NCR1: variants seen among roughly 807,000 people sequenced by gnomAD.
The protein encoded by NCR1 is NK cell-activating receptor.
In NCR1, 30 loss-of-function variants were observed where a neutral mutation model predicts 32.5. The observed-to-expected ratio is 0.92, with a 90% confidence interval of 0.69 to 1.25. The LOEUF is 1.25. Ranked by LOEUF, NCR1 falls within the 50% of genes most tolerant of loss-of-function variation. The pLI is 0.00. For synonymous variants in NCR1, 169 were observed against 143.4 expected, an observed-to-expected ratio of 1.18 and a Z score of -1.28; for missense variants, 369 against 380.7, an observed-to-expected ratio of 0.97 and a Z score of 0.26.
At chr19:54,901,476 G>T (rs1002940317), upstream of NCR1, among the ~76,000 whole-genome samples, 1 of 151,926 alleles carries the variant, frequency 6.6e-6, no homozygotes, top group African/African-American at 2.4e-5. Context: ...AGTCTGTAGA[G>T]GGGGGACAGT....
chr19:54,914,499 C>T (rs575049284), downstream of NCR1, among the ~76,000 whole-genome samples: 33 of 152,042 alleles, frequency 2.2e-4, no homozygotes, highest in Non-Finnish European at 3.4e-4. Context: ...CCACCACGCC[C>T]GGCTAATTTT....
chr19:54,909,733 G>T (rs923339717), intron 4 of NCR1, among the ~76,000 whole-genome samples: 1 of 151,906 alleles, frequency 6.6e-6, no homozygotes, highest in Non-Finnish European at 1.5e-5. Context: ...TCAGGAGTTC[G>T]AGACCAGCCT....
chr19:54,917,239 C>T (rs1261392811), downstream of NCR1, among the ~76,000 whole-genome samples: 1 of 150,996 alleles, frequency 6.6e-6, no homozygotes, highest in Non-Finnish European at 1.5e-5. Context: ...CGTTCAAACC[C>T]GGGAGGCAGA....
chr19:54,903,572 A>G (rs141725954), upstream of NCR1, among the ~76,000 whole-genome samples: 747 of 133,588 alleles, frequency 5.6e-3, 29 homozygotes, highest in Middle Eastern at 0.023. Context: ...ATATATGTGT[A>G]TATATACGCA....
At chr19:54,899,126 T>C in the NCR1 span, among the ~76,000 whole-genome samples, 1 of 152,102 alleles carries the variant, frequency 6.6e-6, no homozygotes. Flanking sequence ...GACCGATGTG[T>C]AAAAGAATGC....
the NCR1 span, among the ~76,000 whole-genome samples, chr19:54,900,210 A>G: frequency 9.2e-5 from 14 of 152,328 alleles, no homozygotes; most frequent in African/African-American, 3.4e-4. Flanking sequence ...TGAAGAGACC[A>G]CCAAACAGGA....
the NCR1 span, among the ~76,000 whole-genome samples, chr19:54,932,515 T>A: frequency 1.3e-5 from 2 of 152,102 alleles, no homozygotes; most frequent in African/African-American, 4.8e-5. Context: ...CTCTTGAATA[T>A]TTTTCTAACC....
At chr19:54,923,531 T>C in the NCR1 span, 1 of 629,604 alleles carries the variant, frequency 1.6e-6, no homozygotes, top group South Asian at 1.9e-5. Context: ...GCTCTAACTT[T>C]ATTATCCCTG....
chr19:54,913,053 TTC>T lies in NCR1; in HGVS notation c.*184_*185del. The T allele has an allele frequency of 2.0e-6, 1 of 506,414 alleles. No individual in the cohort carries two copies. The highest frequency in any genetic ancestry group is 3.2e-6 in the Non-Finnish European group (1 of 314,858). The allele number at this position is 506,414 out of a possible 1,614,324, so 31.4% of individuals were successfully genotyped here. On this transcript the variant is annotated 3_prime_UTR_variant, in exon 7 of 7. Transcript: ENST00000291890. ...AGGGTGGGAGAACTACATGCTAAAT[TTC>T]TTTTTTTTTTTTTTTGAGACAGAGT...
the NCR1 span, among the ~76,000 whole-genome samples, chr19:54,928,503 C>G: frequency 6.6e-6 from 1 of 152,122 alleles, no homozygotes; most frequent in East Asian, 1.9e-4. Context: ...TTTTTAGTGA[C>G]AGCAGACATC....
chr19:54,904,117 C>T (rs2067388379), upstream of NCR1, among the ~76,000 whole-genome samples: 1 of 68,494 alleles, frequency 1.5e-5, no homozygotes, highest in African/African-American at 6.7e-5. Flanking sequence ...CAGAGCAAGA[C>T]TCTGTCTCAA....
chr19:54,918,150 T>A (rs2068172583), downstream of NCR1, among the ~76,000 whole-genome samples: 1 of 152,088 alleles, frequency 6.6e-6, no homozygotes, highest in South Asian at 2.1e-4. Flanking sequence ...TTAGCCAGGA[T>A]GGTCTCGATC....
At chr19:54,921,333 A>G in the NCR1 span, among the ~76,000 whole-genome samples, 1 of 152,144 alleles carries the variant, frequency 6.6e-6, no homozygotes, top group Non-Finnish European at 1.5e-5. Flanking sequence ...AGCCTTAAAC[A>G]CCACAGTGAT....
chr19:54,934,804 G>A, the NCR1 span: 1 of 656,332 alleles, frequency 1.5e-6, no homozygotes. This position sits in a 1 kb window ranked among gnomAD's most constrained non-coding sequence, Gnocchi z 6.7. Context: ...CCGCCTCCCG[G>A]GTTCAAGCTA....
downstream of NCR1, among the ~76,000 whole-genome samples, chr19:54,919,369 T>C (rs1379016927): frequency 6.6e-6 from 1 of 152,196 alleles, no homozygotes; most frequent in South Asian, 2.1e-4. Flanking sequence ...CCTCCAATGA[T>C]AGGTAAGGTC....
chr19:54,923,272 G>A, the NCR1 span, among the ~76,000 whole-genome samples: 6 of 152,290 alleles, frequency 3.9e-5, no homozygotes, highest in South Asian at 6.2e-4. Context: ...TATCTGGCCC[G>A]TTTGTCAATG....
chr19:54,926,687 G>A, the NCR1 span, among the ~76,000 whole-genome samples: 12 of 152,010 alleles, frequency 7.9e-5, no homozygotes, highest in East Asian at 2.0e-4. Context: ...AGGCCAAGGC[G>A]AGAAGATCAC....
upstream of NCR1, among the ~76,000 whole-genome samples, chr19:54,902,837 A>G (rs587761170): frequency 7.7e-6 from 1 of 130,332 alleles, no homozygotes; most frequent in South Asian, 2.4e-4. Flanking sequence ...TCAGTAAATA[A>G]GAAGGAGGCG....
chr19:54,935,589 G>A, the NCR1 span, among the ~76,000 whole-genome samples: 798 of 92,830 alleles, frequency 8.6e-3, 7 homozygotes, highest in African/African-American at 0.033. Flanking sequence ...CCAGCTACTC[G>A]GGAAGCTGAG....
Sources: allele counts gnomAD v4.1 joint callset (sites outside exome capture counted in the v4.1 genomes callset), GRCh38; gene constraint gnomAD v4.1.1; non-coding constraint Gnocchi (gnomAD v3.1); transcripts MANE v1.5; gene names NCBI Gene and HGNC (gene_info 2026-07-23, HGNC 2026-07-21).